Variants in ACAN observed in about 807,000 individuals in gnomAD.
ACAN encodes the protein aggrecan core protein.
In ACAN, 47 loss-of-function variants were observed where a neutral mutation model predicts 169.1. The observed-to-expected ratio is 0.28, with a 90% CI of 0.22 to 0.35. ACAN has a LOEUF of 0.35. ACAN is among the 10% of genes least tolerant of loss of function. The pLI is 1.00. For synonymous variants in ACAN, 1,115 were observed against 1,112.2 expected (o/e 1.00, Z -0.05); for missense variants, 2,716 against 2,759.9 (o/e 0.98, Z 0.36).
At chr15:88,806,327 CTG>C (rs1270118998) in intron 1 of ACAN, among the ~76,000 whole-genome samples, 2 of 150,184 alleles carry the variant, frequency 1.3e-5, no homozygotes, top group Non-Finnish European at 2.9e-5. Flanking sequence ...TGATAAGAGA[CTG>C]TGTGTCCTAA....
chr15:88,863,912 C>T (rs1291119359), intron 13 of ACAN, among the ~76,000 whole-genome samples: 1 of 152,262 alleles, frequency 6.6e-6, no homozygotes, highest in Non-Finnish European at 1.5e-5. Context: ...TGGTGCACAC[C>T]TGTAATCCCA....
At chr15:88,853,186 G>A (rs551194462) in intron 11 of ACAN, among the ~76,000 whole-genome samples, 2 of 152,328 alleles carry the variant, frequency 1.3e-5, no homozygotes, top group African/African-American at 4.8e-5. Context: ...GCAACCACGA[G>A]TGGGGAGTTA....
At position 88,849,821 on chromosome 15, in the gene ACAN, A is replaced by G. The variant is rs767520144; in HGVS notation, c.2026+90A>G. The G allele has an allele frequency of 2.7e-6, 4 of 1,508,378 alleles. No individual in the cohort carries two copies. In the African/African-American group the frequency reaches 4.2e-5, roughly 16 times the overall value. 93.4% of individuals were successfully genotyped at this position (1,508,378 alleles called of 1,614,324 possible). On this transcript the variant is annotated intron_variant, in intron 10 of 18. Coordinates refer to ENST00000560601, the MANE Select transcript of ACAN (RefSeq NM_001369268.1). The surrounding 1 kb of genome is among the most constrained non-coding windows in gnomAD (Gnocchi z 5.1). ...GGATCCTGCCACCACCCAGTATCCCATCCATCAGAGCAAGAAAATGTCAGT... is the reference window on the plus strand; with the variant it reads ...GGATCCTGCCACCACCCAGTATCCCGTCCATCAGAGCAAGAAAATGTCAGT...
chr15:88,808,314 G>A (rs574730218), intron 1 of ACAN, among the ~76,000 whole-genome samples: 1 of 152,332 alleles, frequency 6.6e-6, no homozygotes, highest in South Asian at 2.1e-4. Flanking sequence ...ATCTGGACTG[G>A]GATCTAGACC....
Position 88,814,334 on chromosome 15 carries a change from A to G in ACAN, c.-8+10525A>G, listed in dbSNP as rs1895889080. Among the ~76,000 whole-genome samples, 1 of 152,230 alleles carries G rather than the reference A, an allele frequency of 6.6e-6. No homozygotes were observed. Among genetic ancestry groups the G allele is most frequent in the Admixed American group, 6.5e-5 (1 of 15,288 alleles). On this transcript the variant is annotated intron_variant, in intron 1 of 18. Transcript: ENST00000560601. The surrounding 1 kb of genome is among the most constrained non-coding windows in gnomAD (Gnocchi z 4.0). ...GAACATTCCCAGACCCGTTCCTGGT[A>G]TCTCTGAACCTGAATTTTTGGATGA...
intron 2 of ACAN, among the ~76,000 whole-genome samples, chr15:88,837,919 C>CTT (rs545798859): frequency 1.0e-4 from 7 of 66,834 alleles, no homozygotes; most frequent in African/African-American, 1.5e-4. Context: ...TGTTTTTTTT[C>CTT]TTTTTTTTTT....
In ACAN at chr15:88,860,386, G is replaced by A; in HGVS notation, c.6893G>A (p.Gly2298Glu). 6.2e-7 allele frequency: 1 copy of A among 1,613,676 alleles called. No individual in the cohort carries two copies. The highest frequency in any genetic ancestry group is 8.5e-7 in the Non-Finnish European group (1 of 1,179,848). Residue 2298 changes from glycine to glutamate, a missense_variant, in exon 13 of 19, where the codon GGA (glycine) becomes GAA (glutamate). By Grantham distance (98) the Gly-to-Glu change is moderately conservative. Transcript: ENST00000560601. ...CGAGTCKETE[G>E]HVICLCPPGY... ...GCTGGGACCTGCAAGGAGACAGAGG[G>A]ACACGTCATATGCCTGTGCCCCCCT...
chr15:88,848,441 G>C (rs568155544), intron 9 of ACAN, among the ~76,000 whole-genome samples: 1 of 151,678 alleles, frequency 6.6e-6, no homozygotes, highest in South Asian at 2.1e-4. Flanking sequence ...TTTAGGCTGG[G>C]CACAGTGGCT....
intron 1 of ACAN, among the ~76,000 whole-genome samples, chr15:88,810,450 C>T (rs796131230): frequency 1.1e-4 from 17 of 152,194 alleles, no homozygotes; most frequent in African/African-American, 2.6e-4. Flanking sequence ...CCTCAGCCGC[C>T]GCCTCGGGTC....
intron 1 of ACAN, among the ~76,000 whole-genome samples, chr15:88,809,696 C>A (rs962603941): frequency 6.6e-6 from 1 of 152,218 alleles, no homozygotes; most frequent in Non-Finnish European, 1.5e-5. Flanking sequence ...CAGGTTGCAG[C>A]ACCGGGCAGC....
chr15:88,858,410 T>C lies in ACAN; in HGVS notation c.5825T>C (p.Val1942Ala). The C allele has an allele frequency of 6.2e-7, 1 of 1,613,722 alleles. No homozygotes were observed. Among genetic ancestry groups the C allele is most frequent in the African/African-American group, 1.3e-5 (1 of 75,042 alleles). ...GTCTCTCTTGTAGACAGAACTTTGG[T>C]GGAATCTGTAACCCAGGCTCCAACA... ...PTVSLVDRTLVESVTQAPTAQ... is the reference protein window; with the variant it reads ...PTVSLVDRTLAESVTQAPTAQ... The change falls in exon 12 of 19, where the codon GTG becomes GCG. Residue 1942 changes from valine (V) to alanine (A), a missense_variant. Physicochemically the swap from Val to Ala is moderately conservative, Grantham distance 64. Coordinates refer to ENST00000560601, the MANE Select transcript of ACAN (RefSeq NM_001369268.1). The surrounding 1 kb of genome is among the most constrained non-coding windows in gnomAD (Gnocchi z 4.0).
chr15:88,863,618 C>T (rs535917681), intron 13 of ACAN, among the ~76,000 whole-genome samples: 9 of 152,188 alleles, frequency 5.9e-5, no homozygotes, highest in Non-Finnish European at 1.3e-4. Context: ...GTTAGGAGGG[C>T]ACGACCTTAA....
rs1381499420 is a variant in ACAN, at chr15:88,858,940, G to T, written c.6355G>T (p.Ala2119Ser). The change falls in exon 12 of 19, where the codon GCC becomes TCC. Residue 2119 changes from alanine to serine, a missense_variant. Ala to Ser is a moderately conservative substitution (Grantham distance 99). This residue lies in a region of ACAN where 1,389 missense variants were observed against 1,363.7 expected (regional missense o/e 1.02). Coordinates refer to ENST00000560601, the MANE Select transcript of ACAN (RefSeq NM_001369268.1). The surrounding 1 kb of genome is among the most constrained non-coding windows in gnomAD (Gnocchi z 4.0). ...AGFGASAAPE[A>S]SREDSGSPDL... ...GTTCGGGGCATCTGCCGCCCCTGAG[G>T]CCAGCAGAGAAGATTCTGGGTCCCC... is the stretch of plus-strand genomic sequence containing the variant. The T allele has an allele frequency of 5.6e-6, 9 of 1,611,246 alleles. No homozygotes were observed. The highest frequency in any genetic ancestry group is 1.1e-5 in the South Asian group (1 of 91,014).
Position 88,869,641 on chromosome 15 carries a change from A to G in ACAN, c.7060+1312A>G, listed in dbSNP as rs76923500. Among the ~76,000 whole-genome samples the G allele has an allele frequency of 5.5e-4, 84 of 152,264 alleles. No homozygotes were observed. Among genetic ancestry groups the G allele is most frequent in the African/African-American group, 2.0e-3 (82 of 41,548 alleles). On this transcript the variant is annotated intron_variant, in intron 14 of 18. Coordinates refer to ENST00000560601, the MANE Select transcript of ACAN (RefSeq NM_001369268.1). This position sits in a 1 kb window ranked among gnomAD's most constrained non-coding sequence, Gnocchi z 4.2. ...ACAGCTATTTGGTTCCAGACTGGAA[A>G]AGTGGGCTCTGCTGGAATGGAGGCA...
rs1309314400 is a variant in ACAN at position 88,814,616 on chromosome 15, G to A, written c.-8+10807G>A. Among the ~76,000 whole-genome samples the A allele has an allele frequency of 1.3e-5, 2 of 152,192 alleles. No individual in the cohort carries two copies. Among genetic ancestry groups the A allele is most frequent in the Non-Finnish European group, 2.9e-5 (2 of 68,042 alleles). On this transcript the variant is annotated intron_variant, in intron 1 of 18. Transcript: ENST00000560601. This position sits in a 1 kb window ranked among gnomAD's most constrained non-coding sequence, Gnocchi z 4.0. The stretch of plus-strand genomic sequence containing the variant: ...CCCACAATGCATCACTCCAGAGGGC[G>A]CCATTCCATTGTGGTCCATGGGAAT...
In ACAN at chr15:88,841,720, C is replaced by G. The variant is rs377596050; in HGVS notation, c.630-20C>G. 1.2e-6 allele frequency: 2 copies of G among 1,613,772 alleles called. No individual in the cohort carries two copies. Among genetic ancestry groups the G allele is most frequent in the Middle Eastern group, 1.7e-4 (1 of 6,058 alleles). ...CCTTTGTCCCCTGAGTGTCACACCT[C>G]CATTTCGGGTTCCTGGCAGATACCC... is the stretch of plus-strand genomic sequence containing the variant. On this transcript the variant is annotated intron_variant, in intron 4 of 18. Coordinates refer to ENST00000560601, the MANE Select transcript of ACAN (RefSeq NM_001369268.1).
chr15:88,816,429 A>G (rs183612243), intron 1 of ACAN, among the ~76,000 whole-genome samples: 1 of 152,360 alleles, frequency 6.6e-6, no homozygotes, highest in East Asian at 1.9e-4. Flanking sequence ...TATGCTAACT[A>G]GAGACTGGGC....
At position 88,855,024 on chromosome 15, in the gene ACAN, C is replaced by G. The variant is rs754184356; in HGVS notation, c.2439C>G (p.Pro813=). The change falls in exon 12 of 19, where the codon CCC becomes CCG. Residue 813 remains proline (P), a synonymous_variant. Coordinates refer to ENST00000560601, the MANE Select transcript of ACAN (RefSeq NM_001369268.1). ...CATTCCCCTCAGTGAGGCCATTCCC[C>G]TCAGTGGAGCTGTTCCCCTCAGAGG... ...EEPFPSVRPF[P]SVELFPSEEP... is the part of the protein sequence containing the mutation. 1 of 1,593,356 alleles carries G rather than the reference C, an allele frequency of 6.3e-7. No homozygotes were observed. The highest frequency in any genetic ancestry group is 1.8e-5 in the Admixed American group (1 of 56,594).
Position 88,858,484 on chromosome 15 carries a change from G to C in ACAN, c.5899G>C (p.Ala1967Pro). The C allele has an allele frequency of 6.2e-7, 1 of 1,613,742 alleles. No individual in the cohort carries two copies. Among genetic ancestry groups the C allele is most frequent in the African/African-American group, 1.3e-5 (1 of 75,038 alleles). ...TTCTGGCATTTTAGAACTCAGTGGT[G>C]CTCATTCTGGAGCACCAGACATGTC... ...GPSGILELSG[A>P]HSGAPDMSGE... is the part of the protein sequence containing the mutation. Residue 1967 changes from alanine to proline, a missense_variant, in exon 12 of 19, where the codon GCT (alanine) becomes CCT (proline). Physicochemically the swap from Ala to Pro is conservative, Grantham distance 27. This residue lies in a region of ACAN where 1,389 missense variants were observed against 1,363.7 expected (regional missense o/e 1.02). Transcript: ENST00000560601. This position sits in a 1 kb window ranked among gnomAD's most constrained non-coding sequence, Gnocchi z 4.0.
Sources: gnomAD v4.1 joint callset for allele counts (sites outside exome capture counted in the v4.1 genomes callset) on GRCh38, gnomAD v4.1.1 for gene constraint, gnomAD v4.1.1 regional missense constraint, Gnocchi (gnomAD v3.1) non-coding constraint, MANE v1.5 for transcripts, NCBI Gene and HGNC (gene_info 2026-07-23, HGNC 2026-07-21) for gene names.